Variants in DDR2 observed in about 807,000 individuals in gnomAD.
DDR2 encodes the protein discoidin domain-containing receptor 2.
Under a neutral mutation model 94.9 loss-of-function variants are expected in DDR2, and 27 were observed. That is an observed-to-expected ratio of 0.28 (90% CI 0.21 to 0.39). The LOEUF (loss-of-function observed/expected upper bound fraction) is 0.39. Among genes scored for constraint, DDR2 ranks in the 10% least tolerant of loss-of-function variants. The pLI is 1.00. For synonymous variants in DDR2, 382 were observed against 377.2 expected, an observed-to-expected ratio of 1.01 and a Z score of -0.15; for missense variants, 783 against 1,076.0, an observed-to-expected ratio of 0.73 and a Z score of 3.81.
chr1:162,688,881 G>A (rs1659821190), intron 2 of DDR2, among the ~76,000 whole-genome samples: 1 of 152,204 alleles, frequency 6.6e-6, no homozygotes. Flanking sequence ...GGTTCTGGCT[G>A]TGGGGCCGGC....
At chr1:162,729,293 TATA>T (rs1558050585) in intron 3 of DDR2, among the ~76,000 whole-genome samples, 2 of 21,626 alleles carry the variant, frequency 9.2e-5, no homozygotes, top group African/African-American at 4.0e-4. Flanking sequence ...TATATATATA[TATA>T]TATATTTTTT....
chr1:162,647,712 A>G (rs1055777280), intron 1 of DDR2, among the ~76,000 whole-genome samples: 19 of 152,252 alleles, frequency 1.2e-4, no homozygotes, highest in African/African-American at 4.6e-4. Flanking sequence ...GCATTTGTAA[A>G]CTGTTATAGC....
chr1:162,762,923 GCCT>G (rs1558072277), intron 9 of DDR2, among the ~76,000 whole-genome samples: 1 of 152,064 alleles, frequency 6.6e-6, no homozygotes, highest in East Asian at 1.9e-4. Context: ...TGCAACCCCC[GCCT>G]CCCGGGATCG....
chr1:162,726,218 A>G lies in DDR2; in HGVS notation c.82+7073A>G, dbSNP rs73026504. On this transcript the variant is annotated intron_variant, in intron 3 of 17. Transcript: ENST00000367921. ...TCAATTTTGTATATTGTGCTGTGAT[A>G]ATGGCAGACTTCATTAGTCTTTCCA... is the stretch of plus-strand genomic sequence containing the variant. Among the ~76,000 whole-genome samples the G allele has an allele frequency of 9.0e-3, 1,372 of 152,342 alleles. 15 individuals are homozygous for G. Among genetic ancestry groups the G allele is most frequent in the East Asian group, 0.035 (180 of 5,192 alleles).
At chr1:162,657,768 A>G (rs1250625316) in intron 2 of DDR2, among the ~76,000 whole-genome samples, 6 of 151,720 alleles carry the variant, frequency 4.0e-5, no homozygotes, top group African/African-American at 1.5e-4. Context: ...CAGTGGTGGT[A>G]CCCCTAGTCA....
intron 2 of DDR2, among the ~76,000 whole-genome samples, chr1:162,661,010 A>G (rs1571160527): frequency 6.6e-6 from 1 of 152,070 alleles, no homozygotes; most frequent in African/African-American, 2.4e-5. Flanking sequence ...AAATAGCTAT[A>G]CTCTCTTGCC....
Position 162,719,080 on chromosome 1 carries a change from G to A in DDR2, c.17G>A (p.Arg6Lys). 2 of 1,613,858 alleles carry A rather than the reference G, an allele frequency of 1.2e-6. No homozygotes were observed. Among genetic ancestry groups the A allele is most frequent in the African/African-American group, 1.3e-5 (1 of 75,010 alleles). Residue 6 changes from arginine to lysine, a missense_variant, in exon 3 of 18, where the codon AGA becomes AAA. By Grantham distance (26) the Arg-to-Lys change is conservative. Transcript: ENST00000367921. ...TCTTCTGAGATGATCCTGATTCCCA[G>A]AATGCTCTTGGTGCTGTTCCTGCTG... MILIP[R>K]MLLVLFLLLP...
chr1:162,774,899 AT>A (rs1647442128), intron 14 of DDR2, among the ~76,000 whole-genome samples: 1 of 152,158 alleles, frequency 6.6e-6, no homozygotes, highest in South Asian at 2.1e-4. Flanking sequence ...CCAGTCCAGG[AT>A]TCCTAGCAAA....
chr1:162,678,357 A>T (rs1368784405), intron 2 of DDR2, among the ~76,000 whole-genome samples: 1 of 152,224 alleles, frequency 6.6e-6, no homozygotes, highest in Non-Finnish European at 1.5e-5. Context: ...GTGGAGTGTT[A>T]AAACAGTGCA....
At chr1:162,765,964 T>A (rs1279339762) in intron 9 of DDR2, 37 bp from the exon 10 acceptor site, 4 of 1,610,888 alleles carry the variant, frequency 2.5e-6, no homozygotes, top group Non-Finnish European at 3.4e-6. Context: ...GCTGTCTGTC[T>A]TCTCCCTGGC....
In DDR2 at chr1:162,782,309, C is replaced by A. The variant is rs1306786323; in HGVS notation, c.*2063C>A. Reference sequence around the variant, plus strand: ...TCCAGTACTCACTGGAAAATTGGATCTATAACTGATGGGTTTAGTAATCTG... The same window carrying A: ...TCCAGTACTCACTGGAAAATTGGATATATAACTGATGGGTTTAGTAATCTG... On this transcript the variant is annotated 3_prime_UTR_variant, in exon 18 of 18. Coordinates refer to ENST00000367921, the MANE Select transcript of DDR2 (RefSeq NM_006182.4). The A allele has an allele frequency of 1.3e-5, 2 of 152,188 alleles. No homozygotes were observed. Among genetic ancestry groups the A allele is most frequent in the Non-Finnish European group, 2.9e-5 (2 of 68,046 alleles). 9.4% of individuals were successfully genotyped at this position (152,188 alleles called of 1,614,324 possible).
chr1:162,751,530 T>A (rs1435990583), intron 3 of DDR2, among the ~76,000 whole-genome samples: 7 of 152,164 alleles, frequency 4.6e-5, no homozygotes, highest in Admixed American at 4.6e-4. Context: ...GAAATAGGAA[T>A]GCTTTTACGC....
At chr1:162,721,685 A>G (rs1420758486) in intron 3 of DDR2, among the ~76,000 whole-genome samples, 1 of 152,224 alleles carries the variant, frequency 6.6e-6, no homozygotes, top group African/African-American at 2.4e-5. Flanking sequence ...ATTGAAAGGT[A>G]ACTGAAGGCA....
intron 2 of DDR2, among the ~76,000 whole-genome samples, chr1:162,714,915 T>C (rs1661092892): frequency 6.6e-6 from 1 of 152,150 alleles, no homozygotes; most frequent in Non-Finnish European, 1.5e-5. Flanking sequence ...CTTAAATAAA[T>C]TGTCAAAGGG....
intron 13 of DDR2, among the ~76,000 whole-genome samples, 158 bp from the exon 14 acceptor site, chr1:162,773,311 A>G (rs1480593642): frequency 6.6e-6 from 1 of 152,200 alleles, no homozygotes; most frequent in African/African-American, 2.4e-5. Flanking sequence ...CTTATCAATT[A>G]TTTGAATCAT....
chr1:162,759,686 T>C, intron 7 of DDR2, 110 bp from the exon 8 acceptor site: 1 of 1,238,066 alleles, frequency 8.1e-7, no homozygotes, highest in Admixed American at 1.9e-5. Context: ...TCCAAGATAA[T>C]AAGCTCATAC....
chr1:162,745,032 C>T (rs1662784170), intron 3 of DDR2, among the ~76,000 whole-genome samples: 1 of 152,164 alleles, frequency 6.6e-6, no homozygotes, highest in Non-Finnish European at 1.5e-5. Context: ...TGATAGTCAT[C>T]CTGACATGTA....
rs1648114652 is a variant in DDR2, at chr1:162,785,597, G to A, written c.*5351G>A. Reference sequence around the variant, plus strand: ...ATTATAACAATGTGTGTCTTACTAAGTTTCTAGGTCATTGTGAGCACTTGA... The same window carrying A: ...ATTATAACAATGTGTGTCTTACTAAATTTCTAGGTCATTGTGAGCACTTGA... On this transcript the variant is annotated 3_prime_UTR_variant, in exon 18 of 18. Coordinates refer to ENST00000367921, the MANE Select transcript of DDR2 (RefSeq NM_006182.4). 6.6e-6 allele frequency: 1 copy of A among 152,166 alleles called. No individual in the cohort carries two copies. Among genetic ancestry groups the A allele is most frequent in the Admixed American group, 6.5e-5 (1 of 15,286 alleles). The allele number at this position is 152,166 out of a possible 1,614,324, so 9.4% of individuals were successfully genotyped here. A position where few individuals can be genotyped will look rare whatever the true frequency, so the allele number is the denominator to read the frequency against.
At chr1:162,665,609 A>C (rs1323623846) in intron 2 of DDR2, among the ~76,000 whole-genome samples, 1 of 151,480 alleles carries the variant, frequency 6.6e-6, no homozygotes, top group Non-Finnish European at 1.5e-5. Context: ...TTTTATCAAA[A>C]CTATGGCACA....
Sources: gnomAD v4.1 joint callset for allele counts (sites outside exome capture counted in the v4.1 genomes callset) on GRCh38, gnomAD v4.1.1 for gene constraint, MANE v1.5 for transcripts, NCBI Gene and HGNC (gene_info 2026-07-23, HGNC 2026-07-21) for gene names.